Variants in FSTL4 observed in about 807,000 individuals in gnomAD.
FSTL4 encodes follistatin like 4.
A neutral mutation model predicts 78.2 loss-of-function variants in FSTL4; 28 were observed. The observed-to-expected ratio is 0.36, with a 90% CI of 0.27 to 0.49. FSTL4 has a LOEUF of 0.49. Ranked by LOEUF, FSTL4 falls within the 20% of genes least tolerant of loss-of-function variation. The pLI, the probability that FSTL4 is intolerant of heterozygous loss-of-function variation, is 0.98. For synonymous variants in FSTL4, 422 were observed against 440.5 expected (o/e 0.96, Z 0.53); for missense variants, 922 against 1,084.9 (o/e 0.85, Z 2.11).
chr5:133,814,923 C>G, the FSTL4 span, among the ~76,000 whole-genome samples: 1 of 152,234 alleles, frequency 6.6e-6, no homozygotes, highest in African/African-American at 2.4e-5. Flanking sequence ...TCCTCTCATA[C>G]TGCACACATG....
intron 4 of FSTL4, among the ~76,000 whole-genome samples, chr5:133,340,996 C>T (rs1229726644): frequency 6.6e-6 from 1 of 151,950 alleles, no homozygotes; most frequent in East Asian, 1.9e-4. Context: ...TTCAAAACCA[C>T]CCCAAGGCCC....
chr5:133,419,814 C>T (rs1406155977), intron 3 of FSTL4, among the ~76,000 whole-genome samples: 12 of 152,156 alleles, frequency 7.9e-5, no homozygotes, highest in Admixed American at 7.2e-4. Context: ...TTACTAAATG[C>T]GTAGTGGTAT....
intron 3 of FSTL4, among the ~76,000 whole-genome samples, chr5:133,456,017 G>A (rs1338465700): frequency 1.3e-5 from 2 of 152,212 alleles, no homozygotes; most frequent in Non-Finnish European, 2.9e-5. Context: ...TCATCAGCAA[G>A]TTCTACTTGC....
chr5:133,366,338 T>C (rs1755180729), intron 4 of FSTL4, among the ~76,000 whole-genome samples: 1 of 152,176 alleles, frequency 6.6e-6, no homozygotes, highest in African/African-American at 2.4e-5. Context: ...AATGCTTTTC[T>C]TTATGGTCTT....
the FSTL4 span, among the ~76,000 whole-genome samples, chr5:133,763,049 G>A: frequency 6.6e-6 from 1 of 152,180 alleles, no homozygotes; most frequent in Non-Finnish European, 1.5e-5. Flanking sequence ...TTGGGTCCAG[G>A]AGCACTGTCT....
chr5:133,643,336 G>T, the FSTL4 span, among the ~76,000 whole-genome samples: 3 of 152,102 alleles, frequency 2.0e-5, no homozygotes, highest in Admixed American at 2.0e-4. Flanking sequence ...AGTTTTTCAC[G>T]CTGTTATAAT....
the FSTL4 span, among the ~76,000 whole-genome samples, chr5:133,685,583 A>T: frequency 5.3e-5 from 8 of 151,964 alleles, no homozygotes; most frequent in Admixed American, 1.3e-4. Context: ...CTGCCAGAAC[A>T]CTCCTGCTGC....
chr5:133,709,560 G>C, the FSTL4 span, among the ~76,000 whole-genome samples: 5 of 152,236 alleles, frequency 3.3e-5, no homozygotes, highest in African/African-American at 1.2e-4. Context: ...GCTGAGCAAT[G>C]GCTCGGGCCA....
the FSTL4 span, among the ~76,000 whole-genome samples, chr5:133,637,160 A>G: frequency 6.6e-6 from 1 of 152,234 alleles, no homozygotes; most frequent in South Asian, 2.1e-4. Context: ...TTACGATGTG[A>G]CAGGACAGAC....
At chr5:133,401,660 G>A (rs1756226148) in intron 3 of FSTL4, among the ~76,000 whole-genome samples, 1 of 152,226 alleles carries the variant, frequency 6.6e-6, no homozygotes, top group African/African-American at 2.4e-5. Context: ...GAGCATGGGA[G>A]CCAGGGAGCT....
intron 4 of FSTL4, among the ~76,000 whole-genome samples, chr5:133,389,273 C>T (rs1580671218): frequency 6.6e-6 from 1 of 152,176 alleles, no homozygotes; most frequent in African/African-American, 2.4e-5. Flanking sequence ...CAGGCTTCAC[C>T]TCTGTTTACT....
At chr5:133,235,062 C>G (rs1236332040) in intron 7 of FSTL4, among the ~76,000 whole-genome samples, 1 of 152,106 alleles carries the variant, frequency 6.6e-6, no homozygotes, top group Non-Finnish European at 1.5e-5. Flanking sequence ...GGGCTAAAAG[C>G]AGCTGAGGGC....
At chr5:133,837,448 CA>C in the FSTL4 span, among the ~76,000 whole-genome samples, 2 of 152,138 alleles carry the variant, frequency 1.3e-5, no homozygotes, top group Admixed American at 1.3e-4. Flanking sequence ...TCTTTGTGCA[CA>C]CCTAGTTATT....
the FSTL4 span, among the ~76,000 whole-genome samples, chr5:133,833,691 A>G: frequency 6.6e-6 from 1 of 152,248 alleles, no homozygotes; most frequent in Non-Finnish European, 1.5e-5. Context: ...TCACATTTTA[A>G]TAATGAGACA....
chr5:133,508,169 C>G (rs564362036), intron 3 of FSTL4, among the ~76,000 whole-genome samples: 2 of 152,270 alleles, frequency 1.3e-5, no homozygotes, highest in South Asian at 2.1e-4. Flanking sequence ...ATAGCACCAC[C>G]CCCTCAAAGT....
intron 6 of FSTL4, among the ~76,000 whole-genome samples, chr5:133,281,649 G>T (rs568303026): frequency 3.9e-5 from 6 of 152,180 alleles, no homozygotes; most frequent in African/African-American, 1.4e-4. Context: ...ACAAGCAGAC[G>T]GAAGGGGAGT....
At chr5:133,432,281 G>T (rs971344533) in intron 3 of FSTL4, among the ~76,000 whole-genome samples, 2 of 152,236 alleles carry the variant, frequency 1.3e-5, no homozygotes, top group Non-Finnish European at 2.9e-5. Context: ...TGGTCTTTTT[G>T]TATGTCACAA....
At chr5:133,564,868 C>G (rs1274316459) in intron 3 of FSTL4, among the ~76,000 whole-genome samples, 1 of 152,204 alleles carries the variant, frequency 6.6e-6, no homozygotes, top group Non-Finnish European at 1.5e-5. Context: ...TTGGCTTGGA[C>G]TCGATTTCCA....
At chr5:133,550,366 G>T (rs1309726110) in intron 3 of FSTL4, among the ~76,000 whole-genome samples, 3 of 152,090 alleles carry the variant, frequency 2.0e-5, no homozygotes, top group African/African-American at 7.2e-5. Context: ...AAAATAAATT[G>T]GTCCAGTTAA....
Sources: gnomAD v4.1 joint callset for allele counts (sites outside exome capture counted in the v4.1 genomes callset) on GRCh38, gnomAD v4.1.1 for gene constraint, MANE v1.5 for transcripts, NCBI Gene and HGNC (gene_info 2026-07-23, HGNC 2026-07-21) for gene names.